Variants in ARHGEF15 observed in about 807,000 individuals in gnomAD.
ARHGEF15 encodes the protein Rho guanine nucleotide exchange factor 15.
Under a neutral mutation model 79.7 loss-of-function variants are expected in ARHGEF15, and 58 were observed. That is an observed-to-expected ratio of 0.73 (90% CI 0.59 to 0.91). ARHGEF15 has a LOEUF of 0.91. ARHGEF15 is among the 40% of genes least tolerant of loss of function. The pLI is 0.00. For synonymous variants in ARHGEF15, 442 were observed against 456.0 expected, an observed-to-expected ratio of 0.97 and a Z score of 0.39; for missense variants, 1,012 against 1,108.1, an observed-to-expected ratio of 0.91 and a Z score of 1.23.
rs565057036 is a variant in ARHGEF15, at chr17:8,319,045, C to T, written c.2072C>T (p.Ser691Phe). Residue 691 changes from serine (S) to phenylalanine (F), a missense_variant, in exon 13 of 16, where the codon TCC (serine) becomes TTC (phenylalanine). This residue lies in a region of ARHGEF15 where 62 missense variants were observed against 101.3 expected (regional missense o/e 0.61). Coordinates refer to ENST00000361926, the MANE Select transcript of ARHGEF15 (RefSeq NM_173728.4). ...RLQVLDYAHR[S>F]LVQAQQVPDP... ...CAGGTTCTGGACTATGCCCATCGCT[C>T]CCTGGTCCAGGCCCAGCAGGTTCCG... The T allele has an allele frequency of 1.9e-6, 3 of 1,613,996 alleles. No homozygotes were observed. The highest frequency in any genetic ancestry group is 2.5e-6 in the Non-Finnish European group (3 of 1,179,996).
rs375937377 is a variant in ARHGEF15, at chr17:8,314,972, C to T, written c.1048+8C>T. On this transcript the variant is annotated splice_region_variant and intron_variant, in intron 5 of 15. Transcript: ENST00000361926. ...AGCTGCCCCTGCAGGATGGTGAGGG[C>T]CTCTGGACCTGAGGGTCCCTGCTGT... The T allele has an allele frequency of 6.8e-6, 11 of 1,613,902 alleles. No homozygotes were observed. The highest frequency in any genetic ancestry group is 9.3e-6 in the Non-Finnish European group (11 of 1,179,962).
chr17:8,318,754 T>C lies in ARHGEF15; in HGVS notation c.1877T>C (p.Leu626Pro). ...TCTGCCTCCGCTTCCTCGCAGGCCC[T>C]GCCCCTGGTCTCCTGGTCACGGCGC... Reference protein sequence around the residue: ...QRLRFHKVKALPLVSWSRRLE... With the variant: ...QRLRFHKVKAPPLVSWSRRLE... The change falls in exon 12 of 16, where the codon CTG becomes CCG. Residue 626 changes from leucine (L) to proline (P), a missense_variant. By Grantham distance (98) the Leu-to-Pro change is moderately conservative. Coordinates refer to ENST00000361926, the MANE Select transcript of ARHGEF15 (RefSeq NM_173728.4). This position sits in a 1 kb window ranked among gnomAD's most constrained non-coding sequence, Gnocchi z 5.0. 6.2e-7 allele frequency: 1 copy of C among 1,612,868 alleles called. No homozygotes were observed. Among genetic ancestry groups the C allele is most frequent in the Non-Finnish European group, 8.5e-7 (1 of 1,179,732 alleles).
In ARHGEF15 at chr17:8,315,137, C is replaced by G. The variant is rs747942476; in HGVS notation, c.1120C>G (p.Pro374Ala). 11 of 1,614,052 alleles carry G rather than the reference C, an allele frequency of 6.8e-6. No homozygotes were observed. Among genetic ancestry groups the G allele is most frequent in the Non-Finnish European group, 8.5e-6 (10 of 1,179,990 alleles). The stretch of plus-strand genomic sequence containing the variant: ...GTGGGGGGTGGGTGAGGATGGGAGT[C>G]CTTCTCCAGCAAATGCTGGAGATGC... The part of the protein sequence containing the change: ...ELWGVGEDGS[P>A]SPANAGDAPT... The change falls in exon 6 of 16, where the codon CCT becomes GCT. Residue 374 changes from proline (P) to alanine (A), a missense_variant. Coordinates refer to ENST00000361926, the MANE Select transcript of ARHGEF15 (RefSeq NM_173728.4). This position sits in a 1 kb window ranked among gnomAD's most constrained non-coding sequence, Gnocchi z 4.3.
At chr17:8,310,949 C>T (rs1904571325) in intron 1 of ARHGEF15, 1 of 152,104 alleles carries the variant, frequency 6.6e-6, no homozygotes, top group African/African-American at 2.4e-5. Context: ...GGGGTGGGAT[C>T]CCTGAGGGGC....
At chr17:8,310,997 C>T (rs2302868) in intron 1 of ARHGEF15, 29,538 of 151,894 alleles carry the variant, frequency 0.19, 4,309 homozygotes, top group East Asian at 0.62. Flanking sequence ...TCAAGACTAC[C>T]GTGTGGGTCA....
chr17:8,319,679 AG>A (rs1256451563), intron 15 of ARHGEF15, 76 bp downstream of exon 15: 1 of 1,266,166 alleles, frequency 7.9e-7, no homozygotes, highest in Non-Finnish European at 1.1e-6. Context: ...TCTGTCAGCC[AG>A]GCTAGAGTGC....
intron 15 of ARHGEF15, 27 bp from the exon 16 acceptor site, chr17:8,320,815 T>C (rs3744646): frequency 0.5 from 797,114 of 1,608,224 alleles, 199,248 homozygotes; most frequent in Admixed American, 0.58. Context: ...CCCCACCTCA[T>C]TGGAGCCTCT....
intron 1 of ARHGEF15, 114 bp from the exon 2 acceptor site, chr17:8,311,877 G>T: frequency 1.6e-6 from 1 of 633,662 alleles, no homozygotes; most frequent in East Asian, 3.0e-5. Flanking sequence ...TGGATTCTCT[G>T]GAACCCCCAC....
intron 9 of ARHGEF15, among the ~76,000 whole-genome samples, chr17:8,317,557 A>G (rs969603539): frequency 1.3e-5 from 2 of 152,202 alleles, no homozygotes; most frequent in African/African-American, 2.4e-5. Flanking sequence ...AATGGTTCTA[A>G]GTGCTATACA....
chr17:8,313,277 C>T lies in ARHGEF15; in HGVS notation c.934+23C>T, dbSNP rs770237994. 7 of 1,596,490 alleles carry T rather than the reference C, an allele frequency of 4.4e-6. No individual in the cohort carries two copies. The South Asian group carries it at 7.8e-5, about 18-fold the overall frequency. ...CAGGTGCAGGGCCTGGGGGAGTGGA[C>T]CTCTGGGCTGTGAGGGGACAGGAGA... On this transcript the variant is annotated intron_variant, in intron 3 of 15. Transcript: ENST00000361926.
In ARHGEF15 at chr17:8,315,447, T is replaced by C. The variant is rs1904950400; in HGVS notation, c.1294T>C (p.Tyr432His). 6.2e-7 allele frequency: 1 copy of C among 1,613,970 alleles called. No homozygotes were observed. Among genetic ancestry groups the C allele is most frequent in the Non-Finnish European group, 8.5e-7 (1 of 1,180,016 alleles). Residue 432 changes from tyrosine to histidine, a missense_variant, in exon 7 of 16, where the codon TAC becomes CAC. This residue lies in a region of ARHGEF15 where 818 missense variants were observed against 882.5 expected (regional missense o/e 0.93). Transcript: ENST00000361926. This position sits in a 1 kb window ranked among gnomAD's most constrained non-coding sequence, Gnocchi z 4.3. ...LFEVVTSEAS[Y>H]LRSLRLLTDT... is the part of the protein sequence containing the mutation. The stretch of plus-strand genomic sequence containing the variant: ...CGAGGTGGTGACGTCCGAGGCTTCC[T>C]ACCTGCGCTCCCTGCGGCTGCTGAC...
Position 8,312,909 on chromosome 17 carries a change from C to T in ARHGEF15, c.602-13C>T, listed in dbSNP as rs371407417. Reference sequence around the variant, plus strand: ...CCCAAGGGCTTTCTCCTTAGGCTACCTGTCTCCCACAGATGCTGGCCTGGC... The same window carrying T: ...CCCAAGGGCTTTCTCCTTAGGCTACTTGTCTCCCACAGATGCTGGCCTGGC... On this transcript the variant is annotated splice_polypyrimidine_tract_variant and intron_variant, in intron 2 of 15. Transcript: ENST00000361926. 30 of 1,566,428 alleles carry T rather than the reference C, an allele frequency of 1.9e-5. No individual in the cohort carries two copies. In the African/African-American group the frequency reaches 3.2e-4, roughly 17 times the overall value.
intron 15 of ARHGEF15, among the ~76,000 whole-genome samples, chr17:8,320,167 C>T (rs1473060169): frequency 1.3e-5 from 2 of 152,122 alleles, no homozygotes; most frequent in East Asian, 3.8e-4. Context: ...AAATATATCA[C>T]ACTTCCTTCC....
chr17:8,319,673 T>C (rs1905257873), intron 15 of ARHGEF15, 70 bp downstream of exon 15: 1 of 1,316,896 alleles, frequency 7.6e-7, no homozygotes, highest in African/African-American at 1.5e-5. Flanking sequence ...TCTCATTCTG[T>C]CAGCCAGGCT....
Position 8,315,811 on chromosome 17 carries a change from G to A in ARHGEF15, c.1478G>A (p.Cys493Tyr), listed in dbSNP as rs1904986679. 1 of 1,613,216 alleles carries A rather than the reference G, an allele frequency of 6.2e-7. No homozygotes were observed. Among genetic ancestry groups the A allele is most frequent in the Non-Finnish European group, 8.5e-7 (1 of 1,180,010 alleles). Reference sequence around the variant, plus strand: ...TCTTCCCCCCACATCAGCGACTTGTGTGATGTGGTGCATGCCCACGCTGTG... The same window carrying A: ...TCTTCCCCCCACATCAGCGACTTGTATGATGTGGTGCATGCCCACGCTGTG... ...VRSSPHISDL[C>Y]DVVHAHAVGP... The change falls in exon 8 of 16, where the codon TGT (cysteine) becomes TAT (tyrosine). Residue 493 changes from cysteine (C) to tyrosine (Y), a missense_variant. Cys to Tyr is a radical substitution (Grantham distance 194). Transcript: ENST00000361926. This position sits in a 1 kb window ranked among gnomAD's most constrained non-coding sequence, Gnocchi z 4.3.
In ARHGEF15 at chr17:8,312,306, T is replaced by C. The variant is rs766058117; in HGVS notation, c.267T>C (p.Thr89=). The change falls in exon 2 of 16, where the codon ACT becomes ACC. Residue 89 remains threonine (T), a synonymous_variant. Transcript: ENST00000361926. The part of the protein sequence containing the change: ...SASRASLDSQ[T]SPDSPSSTPT... ...CTAGAGCCAGCCTCGACTCCCAGAC[T>C]TCCCCAGACTCACCTTCCAGCACCC... The C allele has an allele frequency of 4.6e-6, 7 of 1,518,698 alleles. No homozygotes were observed. In the South Asian group the frequency reaches 8.6e-5, roughly 19 times the overall value. 94.1% of individuals were successfully genotyped at this position (1,518,698 alleles called of 1,614,324 possible).
Position 8,315,392 on chromosome 17 carries a change from G to A in ARHGEF15, c.1261-22G>A, listed in dbSNP as rs1471888440. 6.2e-7 allele frequency: 1 copy of A among 1,613,648 alleles called. No individual in the cohort carries two copies. Among genetic ancestry groups the A allele is most frequent in the Non-Finnish European group, 8.5e-7 (1 of 1,179,884 alleles). ...TCCCACGGTGAACTGGGCTTCCCAC[G>A]ACTGCCTGCTTTTCTTTCTAGAGTC... is the stretch of plus-strand genomic sequence containing the variant. On this transcript the variant is annotated intron_variant, in intron 6 of 15. Coordinates refer to ENST00000361926, the MANE Select transcript of ARHGEF15 (RefSeq NM_173728.4). The surrounding 1 kb of genome is among the most constrained non-coding windows in gnomAD (Gnocchi z 4.3).
chr17:8,318,893 C>T lies in ARHGEF15; in HGVS notation c.2016C>T (p.Leu672=), dbSNP rs763640775. The change falls in exon 12 of 16, where the codon CTC becomes CTT. Residue 672 remains leucine (L), a synonymous_variant. Coordinates refer to ENST00000361926, the MANE Select transcript of ARHGEF15 (RefSeq NM_173728.4). This position sits in a 1 kb window ranked among gnomAD's most constrained non-coding sequence, Gnocchi z 5.0. The stretch of plus-strand genomic sequence containing the variant: ...TGCTGCTCTTTAGCGACCTGCTGCT[C>T]ATCACTCAGCCTAAGAGGTGAGTCC... ...LCLLLFSDLL[L]ITQPKSGQRL... is the part of the protein sequence containing the mutation. 1 of 1,612,662 alleles carries T rather than the reference C, an allele frequency of 6.2e-7. No homozygotes were observed. The highest frequency in any genetic ancestry group is 8.5e-7 in the Non-Finnish European group (1 of 1,179,952).
chr17:8,316,737 G>A lies in ARHGEF15; in HGVS notation c.1704+589G>A, dbSNP rs184564316. 3.3e-5 allele frequency among the ~76,000 whole-genome samples: 5 copies of A among 152,104 alleles called. No individual in the cohort carries two copies. The East Asian group carries it at 9.7e-4, about 29-fold the overall frequency. On this transcript the variant is annotated intron_variant, in intron 9 of 15. Transcript: ENST00000361926. ...AAAGGCAACTTAGTGGGGTGATACG[G>A]GGGAAAAAAAAGTTTGAGATTTGAG...
Sources: gnomAD v4.1 joint callset for allele counts (sites outside exome capture counted in the v4.1 genomes callset) on GRCh38, gnomAD v4.1.1 for gene constraint, gnomAD v4.1.1 regional missense constraint, Gnocchi (gnomAD v3.1) non-coding constraint, MANE v1.5 for transcripts, NCBI Gene and HGNC (gene_info 2026-07-23, HGNC 2026-07-21) for gene names.